The following SLC23A2 variants were observed in gnomAD, a reference collection of about 807,000 sequenced individuals.
SLC23A2 encodes Na(+)/L-ascorbic acid transporter 2.
Under a neutral mutation model 73.3 loss-of-function variants are expected in SLC23A2, and 36 were observed. The observed-to-expected ratio is 0.49, with a 90% CI of 0.38 to 0.65. SLC23A2 has a LOEUF of 0.65. Among genes scored for constraint, SLC23A2 ranks in the 30% least tolerant of loss-of-function variants. The probability of loss-of-function intolerance (pLI) is 0.00; values close to 1 mark genes in which losing one functional copy is unlikely to be tolerated. For missense variants in SLC23A2, 507 were observed against 841.6 expected, an observed-to-expected ratio of 0.60 and a Z score of 4.92; for synonymous variants, 343 against 327.3, an observed-to-expected ratio of 1.05 and a Z score of -0.52.
In SLC23A2 at chr20:4,854,721, G is replaced by A. The variant is rs1487712923; in HGVS notation, c.*2251C>T. On this transcript the variant is annotated 3_prime_UTR_variant, in exon 17 of 17. Coordinates refer to ENST00000338244, the MANE Select transcript of SLC23A2 (RefSeq NM_005116.6). The stretch of plus-strand genomic sequence containing the variant: ...CCGGCCCAAGGAGGGGCTTCAGAAG[G>A]GAGTGGGTTTCTGGATGACTAGAGC... 6.6e-6 allele frequency: 1 copy of A among 152,226 alleles called. No individual in the cohort carries two copies. The highest frequency in any genetic ancestry group is 1.5e-5 in the Non-Finnish European group (1 of 68,068). 9.4% of individuals were successfully genotyped at this position (152,226 alleles called of 1,614,324 possible). A position where few individuals can be genotyped will look rare whatever the true frequency, so the allele number is the denominator to read the frequency against.
upstream of SLC23A2, among the ~76,000 whole-genome samples, chr20:5,003,621 C>T (rs1293502868): frequency 6.6e-6 from 1 of 151,632 alleles, no homozygotes; most frequent in East Asian, 1.9e-4. Context: ...GCTTTTAAGT[C>T]TATCCCCTCC....
At chr20:4,960,685 T>C (rs2087367892) in intron 2 of SLC23A2, among the ~76,000 whole-genome samples, 2 of 152,304 alleles carry the variant, frequency 1.3e-5, no homozygotes, top group Non-Finnish European at 2.9e-5. Flanking sequence ...TATATAAGCA[T>C]GTAACACAAA....
In SLC23A2 at chr20:4,859,351, A is replaced by G. The variant is rs374388860; in HGVS notation, c.1658T>C (p.Leu553Pro). Residue 553 changes from leucine to proline, a missense_variant, in exon 16 of 17, where the codon CTT (leucine) becomes CCT (proline). Around this residue, in one of 5 missense-constraint regions of SLC23A2, gnomAD observed 168 missense variants for 302.3 expected, o/e 0.56. Transcript: ENST00000338244. ...ITGIDQVLNV[L>P]LTTAMFVGGC... is the part of the protein sequence containing the mutation. Reference sequence around the variant, plus strand: ...CCCTACAAACATAGCAGTTGTGAGAAGGACGTTCAACACTTGATCGATTCC... The same window carrying G: ...CCCTACAAACATAGCAGTTGTGAGAGGGACGTTCAACACTTGATCGATTCC... 1 of 1,613,520 alleles carries G rather than the reference A, an allele frequency of 6.2e-7. No individual in the cohort carries two copies. Among genetic ancestry groups the G allele is most frequent in the Non-Finnish European group, 8.5e-7 (1 of 1,179,392 alleles).
intron 2 of SLC23A2, among the ~76,000 whole-genome samples, chr20:4,935,356 G>T (rs1441811387): frequency 6.6e-6 from 1 of 152,046 alleles, no homozygotes; most frequent in Non-Finnish European, 1.5e-5. Flanking sequence ...GCCACATCCA[G>T]ACCACCTCAG....
At chr20:4,945,300 GTTT>G (rs1437499152) in intron 2 of SLC23A2, among the ~76,000 whole-genome samples, 1 of 151,950 alleles carries the variant, frequency 6.6e-6, no homozygotes, top group African/African-American at 2.4e-5. Context: ...GATCTTGTTT[GTTT>G]GTTTGTTTGT....
Position 4,857,624 on chromosome 20 carries a change from G to A in SLC23A2, c.1721-420C>T, listed in dbSNP as rs3787455. Among the ~76,000 whole-genome samples the A allele has an allele frequency of 0.5, 75,771 of 151,864 alleles. 22,740 individuals carry two copies. Among genetic ancestry groups the A allele is most frequent in the African/African-American group, 0.85 (35,255 of 41,444 alleles). ...TTCTGGCTCATCACCTCCTGCCCCA[G>A]GTCTGCTCAAAAACTACCTCTCTAG... On this transcript the variant is annotated intron_variant, in intron 16 of 16. Transcript: ENST00000338244. This position sits in a 1 kb window ranked among gnomAD's most constrained non-coding sequence, Gnocchi z 4.0.
At chr20:4,970,583 A>T (rs1172081106) in intron 2 of SLC23A2, among the ~76,000 whole-genome samples, 1 of 152,102 alleles carries the variant, frequency 6.6e-6, no homozygotes, top group Non-Finnish European at 1.5e-5. Flanking sequence ...AAAAAAATTT[A>T]AAAATTAGCC....
chr20:4,877,726 C>T (rs990457494), intron 9 of SLC23A2, among the ~76,000 whole-genome samples: 1 of 152,070 alleles, frequency 6.6e-6, no homozygotes, highest in African/African-American at 2.4e-5. Context: ...TTTTGGAGTG[C>T]CTGGTATTGA....
rs113726606 is a variant in SLC23A2, at chr20:4,996,593, G to A, written c.-282+4813C>T. Among the ~76,000 whole-genome samples, 2,035 of 149,154 alleles carry A rather than the reference G, an allele frequency of 0.014. 68 individuals carry two copies. The South Asian group carries it at 0.15, about 11-fold the overall frequency. ...CCCAGCTACTTGGGAGGCTGAGGCA[G>A]GAGAATCCCTTGAACCCGGGAGGCA... On this transcript the variant is annotated intron_variant, in intron 1 of 16. Transcript: ENST00000338244.
intron 1 of SLC23A2, among the ~76,000 whole-genome samples, chr20:4,974,579 G>C (rs2122235274): frequency 6.8e-6 from 1 of 148,046 alleles, no homozygotes; most frequent in East Asian, 1.9e-4. Context: ...CTGAAAACAA[G>C]GGCAAACTCA....
chr20:4,870,084 T>G, intron 11 of SLC23A2, 31 bp from the exon 12 acceptor site: 1 of 1,553,058 alleles, frequency 6.4e-7, no homozygotes, highest in Non-Finnish European at 8.7e-7. Context: ...TGAATGCTCC[T>G]AGAGAGGCAG....
intron 4 of SLC23A2, among the ~76,000 whole-genome samples, chr20:4,908,655 G>A (rs990371278): frequency 6.6e-6 from 1 of 152,218 alleles, no homozygotes; most frequent in Non-Finnish European, 1.5e-5. Context: ...GGGACCGGGT[G>A]TGGTGGCTCA....
chr20:4,875,904 G>A (rs541743858), intron 9 of SLC23A2, among the ~76,000 whole-genome samples: 2 of 152,300 alleles, frequency 1.3e-5, no homozygotes, highest in East Asian at 1.9e-4. Context: ...TAGCCCCATC[G>A]ACAGCCGGTC....
At chr20:4,950,659 C>T (rs1298668147) in intron 2 of SLC23A2, among the ~76,000 whole-genome samples, 1 of 152,126 alleles carries the variant, frequency 6.6e-6, no homozygotes, top group Non-Finnish European at 1.5e-5. Flanking sequence ...CAGTGGGCAC[C>T]CTCTGCCCTG....
chr20:4,979,478 G>A (rs1294015781), intron 1 of SLC23A2, among the ~76,000 whole-genome samples: 1 of 151,908 alleles, frequency 6.6e-6, no homozygotes, highest in Non-Finnish European at 1.5e-5. Flanking sequence ...GCCCAGGCAG[G>A]AGGATGACTT....
At chr20:4,971,028 T>A (rs951013450) in intron 1 of SLC23A2, 109 bp from the exon 2 acceptor site, 2 of 152,152 alleles carry the variant, frequency 1.3e-5, no homozygotes, top group Non-Finnish European at 2.9e-5. Context: ...TAGAATTTGC[T>A]CTATTACTAC....
chr20:4,921,624 A>G (rs1932502987), intron 3 of SLC23A2, among the ~76,000 whole-genome samples: 1 of 151,882 alleles, frequency 6.6e-6, no homozygotes, highest in African/African-American at 2.4e-5. Context: ...AAAAAGAAAT[A>G]CACCCAAAAT....
chr20:4,944,808 G>GCCAAT (rs1410986775), intron 2 of SLC23A2, among the ~76,000 whole-genome samples: 1 of 152,138 alleles, frequency 6.6e-6, no homozygotes, highest in Non-Finnish European at 1.5e-5. Flanking sequence ...CATTTCAAAA[G>GCCAAT]CCAATCCATG....
At chr20:4,945,064 A>C (rs967908375) in intron 2 of SLC23A2, among the ~76,000 whole-genome samples, 4 of 152,126 alleles carry the variant, frequency 2.6e-5, no homozygotes, top group Admixed American at 2.6e-4. Flanking sequence ...GAAATGACTT[A>C]ACTGGTTACC....
Sources: allele counts gnomAD v4.1 joint callset (sites outside exome capture counted in the v4.1 genomes callset), GRCh38; gene constraint gnomAD v4.1.1; regional missense constraint gnomAD v4.1.1; non-coding constraint Gnocchi (gnomAD v3.1); transcripts MANE v1.5; gene names NCBI Gene and HGNC (gene_info 2026-07-23, HGNC 2026-07-21).